PCDH11X: variants seen among roughly 807,000 people sequenced by gnomAD.
PCDH11X encodes protocadherin-11 X-linked.
In PCDH11X, 18 loss-of-function variants were observed where a neutral mutation model predicts 53.3. The ratio of observed to expected loss-of-function variants is 0.34; its 90% CI spans 0.23 to 0.50. The LOEUF is 0.50. Ranked by LOEUF, PCDH11X falls within the 20% of genes least tolerant of loss-of-function variation. The pLI is 0.98. For synonymous variants in PCDH11X, 279 were observed against 393.3 expected (o/e 0.71, Z 3.44); for missense variants, 570 against 1,032.4 (o/e 0.55, Z 6.14).
At chrX:92,264,099 A>G (rs2067774049) in intron 8 of PCDH11X, among the ~76,000 whole-genome samples, 1 of 112,147 alleles carries the variant, frequency 8.9e-6, no homozygotes, top group Admixed American at 9.5e-5. Flanking sequence ...AAGAAACCAC[A>G]CTTTACGTTT....
chrX:92,590,564 A>G (rs1924927537), intron 10 of PCDH11X, among the ~76,000 whole-genome samples: 1 of 110,379 alleles, frequency 9.1e-6, no homozygotes, highest in Admixed American at 9.6e-5. Flanking sequence ...GCTAGGCACT[A>G]CCATCACCTC....
At chrX:91,782,421 T>G in intron 1 of PCDH11X, among the ~76,000 whole-genome samples, 1 of 104,544 alleles carries the variant, frequency 9.6e-6, no homozygotes, top group Non-Finnish European at 1.9e-5. Flanking sequence ...CCAGATGCAA[T>G]AATAGTAGTA....
At chrX:92,460,136 G>C (rs1351664563) in intron 9 of PCDH11X, 1 of 1,058,200 alleles carries the variant, frequency 9.5e-7, no homozygotes, top group African/African-American at 1.8e-5. Context: ...GACAATGCCC[G>C]TCTTGCTGCT....
Position 92,618,534 on chromosome X carries a change from C to G in PCDH11X, c.3638C>G (p.Pro1213Arg). Reference protein sequence around the residue: ...QTIALCHSPPPIQVSALHHSP... With the variant: ...QTIALCHSPPRIQVSALHHSP... Reference sequence around the variant, plus strand: ...ATCGCATTGTGCCACAGCCCACCACCGATACAGGTGTCTGCTCTCCACCAC... The same window carrying G: ...ATCGCATTGTGCCACAGCCCACCACGGATACAGGTGTCTGCTCTCCACCAC... The change falls in exon 11 of 11, where the codon CCG becomes CGG. Residue 1213 changes from proline (P) to arginine (R), a missense_variant. Physicochemically the swap from Pro to Arg is moderately radical, Grantham distance 103. Coordinates refer to ENST00000682573, the MANE Select transcript of PCDH11X (RefSeq NM_032968.5). 1 of 1,211,596 alleles carries G rather than the reference C, an allele frequency of 8.3e-7. No individual in the cohort carries two copies. The highest frequency in any genetic ancestry group is 1.7e-5 in the African/African-American group (1 of 57,742).
chrX:92,260,312 A>G (rs1483791511), intron 7 of PCDH11X, among the ~76,000 whole-genome samples: 2 of 110,662 alleles, frequency 1.8e-5, no homozygotes, highest in African/African-American at 6.6e-5. Context: ...GCTGGTTTAA[A>G]TGCTCCCTCT....
intron 6 of PCDH11X, among the ~76,000 whole-genome samples, chrX:91,972,697 A>C (rs1379746849): frequency 3.7e-5 from 4 of 107,021 alleles, no homozygotes; most frequent in African/African-American, 1.4e-4. Flanking sequence ...ACCATTTATT[A>C]AATAGGGAAT....
chrX:92,549,577 A>T (rs1306666703), intron 10 of PCDH11X, among the ~76,000 whole-genome samples: 1 of 107,470 alleles, frequency 9.3e-6, no homozygotes, highest in Non-Finnish European at 1.9e-5. Flanking sequence ...AATACTTGTT[A>T]AGAAAACATG....
At chrX:91,864,496 C>A (rs374210327) in intron 5 of PCDH11X, among the ~76,000 whole-genome samples, 5 of 98,034 alleles carry the variant, frequency 5.1e-5, no homozygotes, top group African/African-American at 2.0e-4. Context: ...GTAGTCTTTG[C>A]ATTAAATCTT....
At chrX:92,502,141 A>G (rs890679493) in intron 10 of PCDH11X, among the ~76,000 whole-genome samples, 5 of 110,871 alleles carry the variant, frequency 4.5e-5, no homozygotes, top group African/African-American at 1.6e-4. Context: ...AGAATAAAAT[A>G]CTTAGAAATA....
intron 10 of PCDH11X, among the ~76,000 whole-genome samples, chrX:92,602,145 GGAT>G (rs1926299774): frequency 9.0e-6 from 1 of 110,678 alleles, no homozygotes; most frequent in East Asian, 2.9e-4. Flanking sequence ...ATTGCCCAGG[GGAT>G]GATAAATACA....
intron 4 of PCDH11X, among the ~76,000 whole-genome samples, chrX:91,811,549 A>G (rs1199232850): frequency 9.0e-6 from 1 of 110,755 alleles, no homozygotes; most frequent in Non-Finnish European, 1.9e-5. Flanking sequence ...AGTAAGCATA[A>G]TTTACCTGGA....
At chrX:91,797,055 A>G (rs1935760381) in intron 1 of PCDH11X, among the ~76,000 whole-genome samples, 1 of 111,438 alleles carries the variant, frequency 9.0e-6, no homozygotes, top group South Asian at 3.7e-4. Flanking sequence ...TATTATATCC[A>G]TTTCTCAGCT....
At chrX:92,437,067 T>C (rs2072396949) in intron 9 of PCDH11X, among the ~76,000 whole-genome samples, 1 of 110,582 alleles carries the variant, frequency 9.0e-6, no homozygotes, top group Non-Finnish European at 1.9e-5. Flanking sequence ...CTCCATGATG[T>C]GATTATTATG....
At chrX:92,579,717 T>C (rs908623716) in intron 10 of PCDH11X, among the ~76,000 whole-genome samples, 1 of 111,852 alleles carries the variant, frequency 8.9e-6, no homozygotes, top group Admixed American at 9.5e-5. Context: ...ATTTCATTAT[T>C]ACCTACCTTC....
At chrX:92,189,765 C>A (rs187040506) in intron 6 of PCDH11X, among the ~76,000 whole-genome samples, 1 of 111,655 alleles carries the variant, frequency 9.0e-6, no homozygotes, top group Admixed American at 9.6e-5. Context: ...TTGTAACTGG[C>A]GTGACATGGT....
At position 92,621,542 on chromosome X, in the gene PCDH11X, G is replaced by A. The variant is rs1412002112; in HGVS notation, c.*2602G>A. 9.0e-6 allele frequency: 1 copy of A among 110,540 alleles called. No homozygotes were observed. The highest frequency in any genetic ancestry group is 3.3e-5 in the African/African-American group (1 of 30,316). The allele number at this position is 110,540 out of a possible 1,213,427, so 9.1% of individuals were successfully genotyped here. ...AGGCTGAGAGTAGCCAAAGAGGCAA[G>A]GGGTATTAGCCCAGTTATTCTCCCC... is the stretch of plus-strand genomic sequence containing the variant. On this transcript the variant is annotated 3_prime_UTR_variant, in exon 11 of 11. Coordinates refer to ENST00000682573, the MANE Select transcript of PCDH11X (RefSeq NM_032968.5).
chrX:92,490,930 T>A (rs1021108654), intron 10 of PCDH11X, among the ~76,000 whole-genome samples: 1 of 107,482 alleles, frequency 9.3e-6, no homozygotes, highest in Non-Finnish European at 1.9e-5. Flanking sequence ...TCGTAGGGAA[T>A]CCTAAGCTGA....
chrX:91,792,194 C>G (rs1467408170), intron 1 of PCDH11X, among the ~76,000 whole-genome samples: 1 of 110,849 alleles, frequency 9.0e-6, no homozygotes, highest in Admixed American at 9.6e-5. Context: ...TTTACAATGG[C>G]ATTAAAATAA....
intron 10 of PCDH11X, among the ~76,000 whole-genome samples, chrX:92,551,304 T>C (rs757128235): frequency 9.0e-6 from 1 of 111,390 alleles, no homozygotes; most frequent in South Asian, 3.7e-4. Flanking sequence ...GGATATCTCA[T>C]TGTAGTTTTG....
Sources: gnomAD v4.1 joint callset for allele counts (sites outside exome capture counted in the v4.1 genomes callset) on GRCh38, gnomAD v4.1.1 for gene constraint, MANE v1.5 for transcripts, NCBI Gene and HGNC (gene_info 2026-07-23, HGNC 2026-07-21) for gene names.